ATP11B: variants seen among roughly 807,000 people sequenced by gnomAD.
The protein encoded by ATP11B is phospholipid-transporting ATPase IF.
Under a neutral mutation model 157.8 loss-of-function variants are expected in ATP11B, and 81 were observed. That is an observed-to-expected ratio of 0.51 (90% confidence interval 0.43 to 0.62). The LOEUF (loss-of-function observed/expected upper bound fraction) is 0.62. ATP11B is among the 20% of genes least tolerant of loss of function. ATP11B has a pLI of 0.00. For synonymous variants in ATP11B, 451 were observed against 469.4 expected (o/e 0.96, Z 0.51); for missense variants, 1,165 against 1,402.2 (o/e 0.83, Z 2.70).
chr3:182,887,631 A>T lies in ATP11B; in HGVS notation c.2761A>T (p.Thr921Ser). ...VYLTLYNICF[T>S]SLPILIYSLL... ...CCTGACTTTATACAATATTTGTTTTACTTCCCTACCTATTCTGATATATAG... is the reference window on the plus strand; with the variant it reads ...CCTGACTTTATACAATATTTGTTTTTCTTCCCTACCTATTCTGATATATAG... The change falls in exon 24 of 30, where the codon ACT becomes TCT. Residue 921 changes from threonine to serine, a missense_variant. By Grantham distance (58) the Thr-to-Ser change is moderately conservative (BLOSUM62 1). Coordinates refer to ENST00000323116, the MANE Select transcript of ATP11B (RefSeq NM_014616.3). The T allele has an allele frequency of 6.2e-7, 1 of 1,612,614 alleles. No homozygotes were observed. Among genetic ancestry groups the T allele is most frequent in the East Asian group, 2.2e-5 (1 of 44,738 alleles).
intron 18 of ATP11B, among the ~76,000 whole-genome samples, chr3:182,873,280 AT>A (rs1484665757): frequency 6.6e-6 from 1 of 152,044 alleles, no homozygotes; most frequent in Non-Finnish European, 1.5e-5. Context: ...GTTTGTTGTT[AT>A]GTTTGCCTCC....
chr3:182,820,859 A>G (rs528352301), intron 2 of ATP11B, among the ~76,000 whole-genome samples: 2 of 152,312 alleles, frequency 1.3e-5, no homozygotes, highest in African/African-American at 4.8e-5. Context: ...CCACATGCCA[A>G]AAAATTATCT....
At chr3:182,829,991 A>T (rs1360950130) in intron 4 of ATP11B, 1 of 972,772 alleles carries the variant, frequency 1.0e-6, no homozygotes, top group Non-Finnish European at 1.2e-6. Context: ...GCTAGAAAGC[A>T]TCCAAAAACA....
chr3:182,819,335 T>A (rs1312964789), intron 1 of ATP11B, among the ~76,000 whole-genome samples: 1 of 152,128 alleles, frequency 6.6e-6, no homozygotes, highest in African/African-American at 2.4e-5. Context: ...CCTCCCAAAG[T>A]GCTAGGATTA....
At chr3:182,836,821 T>C (rs903554661) in intron 6 of ATP11B, among the ~76,000 whole-genome samples, 2 of 152,198 alleles carry the variant, frequency 1.3e-5, no homozygotes, top group Non-Finnish European at 2.9e-5. Flanking sequence ...AAATTACTTA[T>C]GATAAAGTAA....
intron 1 of ATP11B, among the ~76,000 whole-genome samples, chr3:182,798,739 A>G (rs757272913): frequency 6.6e-6 from 1 of 152,202 alleles, no homozygotes; most frequent in Non-Finnish European, 1.5e-5. Flanking sequence ...AAGTGTGTCT[A>G]CTCTGAATTG....
intron 21 of ATP11B, among the ~76,000 whole-genome samples, chr3:182,883,954 C>CA (rs1170838231): frequency 0.029 from 1,828 of 62,186 alleles, 62 homozygotes; most frequent in African/African-American, 0.063. Flanking sequence ...GACTCCGTCT[C>CA]AAAAAAAAAA....
At chr3:182,858,049 C>G (rs1262875461) in intron 11 of ATP11B, 21 bp downstream of exon 11, 2 of 1,595,544 alleles carry the variant, frequency 1.3e-6, no homozygotes, top group Admixed American at 3.4e-5. Flanking sequence ...GTGTTATTGA[C>G]TGTGTCATAA....
intron 23 of ATP11B, 53 bp from the exon 24 acceptor site, chr3:182,887,533 A>T: frequency 6.6e-7 from 1 of 1,508,570 alleles, no homozygotes; most frequent in Non-Finnish European, 9.0e-7. Flanking sequence ...TCATATGCAT[A>T]ATAGTAATGC....
chr3:182,917,507 T>C (rs1725217941), intron 29 of ATP11B: 2 of 985,396 alleles, frequency 2.0e-6, no homozygotes, highest in Non-Finnish European at 2.4e-6. Context: ...CCTACAGGTG[T>C]CTTTGATGCC....
intron 17 of ATP11B, among the ~76,000 whole-genome samples, chr3:182,870,091 G>A (rs1014293376): frequency 2.0e-5 from 3 of 152,202 alleles, no homozygotes; most frequent in African/African-American, 7.2e-5. Flanking sequence ...GCCAGGGGCT[G>A]GAGGAAGGGG....
At chr3:182,914,500 T>C in intron 29 of ATP11B, 1 of 985,420 alleles carries the variant, frequency 1.0e-6, no homozygotes, top group Non-Finnish European at 1.2e-6. Flanking sequence ...GTATTTCTGC[T>C]CCCCTACCTC....
intron 1 of ATP11B, among the ~76,000 whole-genome samples, chr3:182,817,718 G>A (rs1456942336): frequency 1.3e-5 from 2 of 152,046 alleles, no homozygotes; most frequent in Non-Finnish European, 2.9e-5. Flanking sequence ...TGTAAAGTAT[G>A]TGCATTTATA....
At chr3:182,871,672 GTCTC>G (rs1420658931) in intron 17 of ATP11B, among the ~76,000 whole-genome samples, 8 of 152,100 alleles carry the variant, frequency 5.3e-5, no homozygotes, top group Non-Finnish European at 8.8e-5. Context: ...ACCTGCAGCT[GTCTC>G]TCTCTCTTGA....
intron 29 of ATP11B, chr3:182,917,560 A>C: frequency 3.0e-6 from 3 of 985,340 alleles, no homozygotes; most frequent in Non-Finnish European, 3.6e-6. Context: ...ATTATGCGGA[A>C]GTCTTTAGAA....
chr3:182,897,567 C>T (rs1723640824), intron 27 of ATP11B, among the ~76,000 whole-genome samples, 161 bp downstream of exon 27: 2 of 151,956 alleles, frequency 1.3e-5, no homozygotes, highest in South Asian at 2.1e-4. Context: ...AAAAAACTAA[C>T]ATTTATTGAA....
At chr3:182,902,782 C>T (rs1053373917) in intron 28 of ATP11B, among the ~76,000 whole-genome samples, 5 of 151,758 alleles carry the variant, frequency 3.3e-5, no homozygotes, top group Non-Finnish European at 5.9e-5. Flanking sequence ...AAAAATTCAA[C>T]GTGATCACAG....
chr3:182,857,273 G>A (rs1399232058), intron 10 of ATP11B, among the ~76,000 whole-genome samples: 1 of 152,178 alleles, frequency 6.6e-6, no homozygotes, highest in African/African-American at 2.4e-5. Flanking sequence ...AGCCTCCTGA[G>A]TAGCTGGGAA....
chr3:182,898,199 C>T lies in ATP11B; in HGVS notation c.3153-408C>T, dbSNP rs578214592. On this transcript the variant is annotated intron_variant, in intron 27 of 29. Transcript: ENST00000323116. ...CTTACTACTATGTAAAACTAGTATT[C>T]GTGAGTACATTAATTTTAAAATATG... Among the ~76,000 whole-genome samples, 15 of 152,150 alleles carry T rather than the reference C, an allele frequency of 9.9e-5. No individual in the cohort carries two copies. The South Asian group carries it at 1.9e-3, about 19-fold the overall frequency.
Sources: allele counts gnomAD v4.1 joint callset (sites outside exome capture counted in the v4.1 genomes callset), GRCh38; gene constraint gnomAD v4.1.1; transcripts MANE v1.5; gene names NCBI Gene and HGNC (gene_info 2026-07-23, HGNC 2026-07-21).